FARS2: variants seen among roughly 807,000 people sequenced by gnomAD.
The protein encoded by FARS2 is phenylalanine--tRNA ligase, mitochondrial.
In FARS2, 40 loss-of-function variants were observed where a neutral mutation model predicts 46.4. The ratio of observed to expected loss-of-function variants is 0.86; its 90% confidence interval spans 0.67 to 1.12. FARS2 has a LOEUF of 1.12. Ranked by LOEUF, FARS2 falls within the 50% of genes most tolerant of loss-of-function variation. FARS2 has a pLI of 0.00. For missense variants in FARS2, 513 were observed against 567.9 expected, an observed-to-expected ratio of 0.90 and a Z score of 0.98; for synonymous variants, 234 against 214.9, an observed-to-expected ratio of 1.09 and a Z score of -0.78.
At chr6:5,622,702 T>A (rs9392703) in intron 6 of FARS2, among the ~76,000 whole-genome samples, 3 of 152,024 alleles carry the variant, frequency 2.0e-5, no homozygotes, top group Admixed American at 2.0e-4. Context: ...AGAGACAGCC[T>A]TCACCAGACA....
At chr6:5,547,296 T>A (rs1289681620) in intron 5 of FARS2, among the ~76,000 whole-genome samples, 2 of 152,178 alleles carry the variant, frequency 1.3e-5, no homozygotes, top group Admixed American at 1.3e-4. Flanking sequence ...TTCCAACCAT[T>A]TGATTATCTA....
rs1767218982 is a variant in FARS2, at chr6:5,287,671, G to C, written c.-22+26011G>C. Among the ~76,000 whole-genome samples the C allele has an allele frequency of 3.9e-5, 6 of 152,304 alleles. No homozygotes were observed. The South Asian group carries it at 1.2e-3, about 32-fold the overall frequency. On this transcript the variant is annotated intron_variant, in intron 1 of 6. Coordinates refer to ENST00000274680, the MANE Select transcript of FARS2 (RefSeq NM_006567.5). ...TTCTGTCGATGCTGCTCCCTTGGAG[G>C]ACCTCATAGAATGCCACAAATTCTG...
intron 2 of FARS2, among the ~76,000 whole-genome samples, chr6:5,389,947 C>T (rs932134218): frequency 6.6e-6 from 1 of 152,194 alleles, no homozygotes; most frequent in Non-Finnish European, 1.5e-5. Context: ...TCACCGCAAC[C>T]TCTGCCTCCT....
intron 6 of FARS2, among the ~76,000 whole-genome samples, chr6:5,649,778 C>T (rs73362208): frequency 0.058 from 8,896 of 152,278 alleles, 847 homozygotes; most frequent in African/African-American, 0.2. Context: ...AGCCCGTACT[C>T]TTATCCGCTA....
intron 6 of FARS2, among the ~76,000 whole-genome samples, chr6:5,639,201 A>G: frequency 6.6e-6 from 1 of 152,204 alleles, no homozygotes; most frequent in East Asian, 1.9e-4. Flanking sequence ...GAAGTGCTTA[A>G]ACGTACATCC....
At chr6:5,710,017 A>C (rs1168178482) in intron 6 of FARS2, among the ~76,000 whole-genome samples, 3 of 152,140 alleles carry the variant, frequency 2.0e-5, no homozygotes, top group Non-Finnish European at 4.4e-5. Flanking sequence ...ATTTTCATTT[A>C]AAACCCGTGG....
intron 4 of FARS2, among the ~76,000 whole-genome samples, chr6:5,532,439 C>T (rs190365201): frequency 1.1e-3 from 163 of 152,250 alleles, no homozygotes; most frequent in South Asian, 1.7e-3. Flanking sequence ...AGTTCTTTGT[C>T]ATTGGTGAAG....
At chr6:5,347,216 T>A (rs1757295833) in intron 1 of FARS2, among the ~76,000 whole-genome samples, 2 of 152,164 alleles carry the variant, frequency 1.3e-5, no homozygotes, top group African/African-American at 2.4e-5. Flanking sequence ...GCCTGGCCCA[T>A]TCATTAAGTT....
At chr6:5,344,846 T>A (rs1340442202) in intron 1 of FARS2, among the ~76,000 whole-genome samples, 1 of 151,262 alleles carries the variant, frequency 6.6e-6, no homozygotes, top group African/African-American at 2.4e-5. Context: ...TGGAGTGCAG[T>A]GGTGTGGTTT....
chr6:5,590,834 C>G (rs1274290472), intron 5 of FARS2, among the ~76,000 whole-genome samples: 2 of 103,682 alleles, frequency 1.9e-5, no homozygotes, highest in Non-Finnish European at 3.8e-5. Flanking sequence ...TTTCAAACTC[C>G]TCTTGAAGAA....
At chr6:5,425,591 A>G (rs1222720394) in intron 3 of FARS2, among the ~76,000 whole-genome samples, 2 of 152,178 alleles carry the variant, frequency 1.3e-5, no homozygotes, top group Non-Finnish European at 2.9e-5. Flanking sequence ...GCTGGTACAC[A>G]GAGCAGGCGA....
chr6:5,741,871 C>T (rs187277971), intron 6 of FARS2, among the ~76,000 whole-genome samples: 2,902 of 152,240 alleles, frequency 0.019, 100 homozygotes, highest in African/African-American at 0.066. Flanking sequence ...AGGCTGGTCT[C>T]GAACTCCTGA....
intron 1 of FARS2, among the ~76,000 whole-genome samples, chr6:5,355,920 C>A (rs1757891495): frequency 1.3e-5 from 2 of 152,204 alleles, no homozygotes; most frequent in South Asian, 4.1e-4. Flanking sequence ...TCTCTAAAAT[C>A]TGTTTTTAAC....
chr6:5,494,184 A>G (rs778030950), intron 4 of FARS2, among the ~76,000 whole-genome samples: 6 of 147,458 alleles, frequency 4.1e-5, no homozygotes, highest in Non-Finnish European at 7.4e-5. Flanking sequence ...AATGTAGGGT[A>G]TATACTCAGA....
At chr6:5,720,617 G>A (rs1178242450) in intron 6 of FARS2, among the ~76,000 whole-genome samples, 1 of 152,144 alleles carries the variant, frequency 6.6e-6, no homozygotes, top group Non-Finnish European at 1.5e-5. Flanking sequence ...TAAGTCTCAA[G>A]ATTATTAAAT....
chr6:5,337,539 G>A (rs558347563), intron 1 of FARS2, among the ~76,000 whole-genome samples: 2 of 152,122 alleles, frequency 1.3e-5, no homozygotes, highest in South Asian at 4.1e-4. Context: ...GTTTCACATA[G>A]GCCCCTTTAT....
At chr6:5,613,702 A>G (rs528044164) in intron 6 of FARS2, among the ~76,000 whole-genome samples, 1 of 152,318 alleles carries the variant, frequency 6.6e-6, no homozygotes, top group East Asian at 1.9e-4. Context: ...TTTGTTAAGC[A>G]CTTACCACAC....
At chr6:5,649,969 A>G (rs762053572) in intron 6 of FARS2, among the ~76,000 whole-genome samples, 1 of 152,168 alleles carries the variant, frequency 6.6e-6, no homozygotes, top group Non-Finnish European at 1.5e-5. Context: ...GATTTCCTAC[A>G]GGTACTTTGA....
At chr6:5,647,873 A>G (rs1430948234) in intron 6 of FARS2, among the ~76,000 whole-genome samples, 1 of 152,230 alleles carries the variant, frequency 6.6e-6, no homozygotes, top group Non-Finnish European at 1.5e-5. Flanking sequence ...CCCAATGGTT[A>G]AGGGTATGGA....
Sources: gnomAD v4.1 joint callset for allele counts (sites outside exome capture counted in the v4.1 genomes callset) on GRCh38, gnomAD v4.1.1 for gene constraint, MANE v1.5 for transcripts, NCBI Gene and HGNC (gene_info 2026-07-23, HGNC 2026-07-21) for gene names.